MYT1: variants seen among roughly 807,000 people sequenced by gnomAD.
MYT1 encodes the protein myelin transcription factor 1.
Under a neutral mutation model 123.0 loss-of-function variants are expected in MYT1, and 23 were observed. The ratio of observed to expected loss-of-function variants is 0.19; its 90% CI spans 0.13 to 0.26. The LOEUF is 0.26. MYT1 is among the 10% of genes least tolerant of loss of function. The pLI, the probability that MYT1 is intolerant of heterozygous loss-of-function variation, is 1.00. For synonymous variants in MYT1, 518 were observed against 575.3 expected (o/e 0.90, Z 1.43); for missense variants, 1,125 against 1,472.5 (o/e 0.76, Z 3.86).
At position 64,198,914 on chromosome 20, in the gene MYT1, G is replaced by T; in HGVS notation, c.53G>T (p.Arg18Leu). The change falls in exon 3 of 23, where the codon CGA becomes CTA. Residue 18 changes from arginine to leucine, a missense_variant and splice_region_variant. By Grantham distance (102) the Arg-to-Leu change is moderately radical (BLOSUM62 -2). This residue lies in a region of MYT1 where 406 missense variants were observed against 432.2 expected (regional missense o/e 0.94). Transcript: ENST00000328439. ...KRARTRSKAL[R>L]GPPETTAADL... ...GCTCGCACCCGATCCAAGGCCCTGC[G>T]AGGTGAGTGCCGCCCTCCCCTCCTC... The T allele has an allele frequency of 6.2e-7, 1 of 1,614,028 alleles. No homozygotes were observed. Among genetic ancestry groups the T allele is most frequent in the South Asian group, 1.1e-5 (1 of 91,082 alleles).
In MYT1 at chr20:64,203,168, G is replaced by A. The variant is rs1367964684; in HGVS notation, c.87-1867G>A. ...CCCTCTGAGGCTGGGGCCGGAAGGT[G>A]CAGGCCCACCTTCCTGGGGACCAGG... On this transcript the variant is annotated intron_variant, in intron 4 of 22. Coordinates refer to ENST00000328439, the MANE Select transcript of MYT1 (RefSeq NM_004535.3). The surrounding 1 kb of genome is among the most constrained non-coding windows in gnomAD (Gnocchi z 5.1). 5.3e-5 allele frequency among the ~76,000 whole-genome samples: 8 copies of A among 152,222 alleles called. No individual in the cohort carries two copies. Among genetic ancestry groups the A allele is most frequent in the Admixed American group, 1.3e-4 (2 of 15,294 alleles).
chr20:64,209,785 AG>A (rs1378845400), intron 7 of MYT1, among the ~76,000 whole-genome samples: 2 of 152,226 alleles, frequency 1.3e-5, no homozygotes, highest in Admixed American at 1.3e-4. Flanking sequence ...CGGGAACACC[AG>A]GCATATGAGA....
rs1019002346 is a variant in MYT1 at position 64,231,522 on chromosome 20, G to A, written c.2676-642G>A. Reference sequence around the variant, plus strand: ...ACCATTTAAGGCCAGCCTCAGGCACGAGTGATTATGGGTAGCGAGTCTCCC... The same window carrying A: ...ACCATTTAAGGCCAGCCTCAGGCACAAGTGATTATGGGTAGCGAGTCTCCC... On this transcript the variant is annotated intron_variant, in intron 18 of 22. Coordinates refer to ENST00000328439, the MANE Select transcript of MYT1 (RefSeq NM_004535.3). The surrounding 1 kb of genome is among the most constrained non-coding windows in gnomAD (Gnocchi z 6.4). Among the ~76,000 whole-genome samples the A allele has an allele frequency of 4.6e-5, 7 of 152,240 alleles. No homozygotes were observed. The highest frequency in any genetic ancestry group is 1.7e-4 in the African/African-American group (7 of 41,460).
At chr20:64,229,308 T>C (rs1340909387) in intron 18 of MYT1, among the ~76,000 whole-genome samples, 2 of 152,226 alleles carry the variant, frequency 1.3e-5, no homozygotes, top group Non-Finnish European at 2.9e-5. Context: ...CCTTTATGGA[T>C]TTGGCAAGGA....
chr20:64,186,672 T>C lies in MYT1; in HGVS notation c.-98-3391T>C, dbSNP rs760999341. ...CCTGTGTGAGCTTTGGGGACCCTTGTTCCCACCACAGAGTGTCCATGGAGC... is the reference window on the plus strand; with the variant it reads ...CCTGTGTGAGCTTTGGGGACCCTTGCTCCCACCACAGAGTGTCCATGGAGC... On this transcript the variant is annotated intron_variant, in intron 1 of 22. Transcript: ENST00000328439. The surrounding 1 kb of genome is among the most constrained non-coding windows in gnomAD (Gnocchi z 4.3). 6.6e-6 allele frequency among the ~76,000 whole-genome samples: 1 copy of C among 152,264 alleles called. No homozygotes were observed. Among genetic ancestry groups the C allele is most frequent in the Non-Finnish European group, 1.5e-5 (1 of 68,040 alleles).
At chr20:64,227,292 G>A (rs1984193903) in intron 16 of MYT1, 123 bp from the exon 17 acceptor site, 4 of 781,324 alleles carry the variant, frequency 5.1e-6, no homozygotes, top group Non-Finnish European at 8.2e-6. Context: ...CTGCGGACAA[G>A]GGAATGTGGG....
At chr20:64,200,007 C>A in intron 4 of MYT1, 85 bp downstream of exon 4, 1 of 1,522,026 alleles carries the variant, frequency 6.6e-7, no homozygotes, top group Non-Finnish European at 9.1e-7. Context: ...ACGGGGTCTT[C>A]TTGGATTGAC....
chr20:64,180,118 A>G lies in MYT1; in HGVS notation c.-98-9945A>G, dbSNP rs533240524. Among the ~76,000 whole-genome samples the G allele has an allele frequency of 7.9e-5, 12 of 151,732 alleles. No individual in the cohort carries two copies. The East Asian group carries it at 2.1e-3, about 27-fold the overall frequency. Reference sequence around the variant, plus strand: ...CAGGTACATGCTACACACACGCTACACACAGTTATACATGCTACACACACG... The same window carrying G: ...CAGGTACATGCTACACACACGCTACGCACAGTTATACATGCTACACACACG... On this transcript the variant is annotated intron_variant, in intron 1 of 22. Coordinates refer to ENST00000328439, the MANE Select transcript of MYT1 (RefSeq NM_004535.3).
At chr20:64,172,652 C>T (rs1279927495) in intron 1 of MYT1, among the ~76,000 whole-genome samples, 2 of 151,986 alleles carry the variant, frequency 1.3e-5, no homozygotes, top group Non-Finnish European at 2.9e-5. Flanking sequence ...CTCTTGATCC[C>T]GCGAAGCCGA....
Position 64,222,424 on chromosome 20 carries a change from C to G in MYT1, c.2396+377C>G, listed in dbSNP as rs567702375. ...AGGCCGCAGCTGGGCACGTTCTGCC[C>G]TGGGCTCCATGGCCAAGGCCTGGAA... is the stretch of plus-strand genomic sequence containing the variant. On this transcript the variant is annotated intron_variant, in intron 14 of 22. Coordinates refer to ENST00000328439, the MANE Select transcript of MYT1 (RefSeq NM_004535.3). 6.6e-5 allele frequency among the ~76,000 whole-genome samples: 10 copies of G among 152,378 alleles called. No individual in the cohort carries two copies. In the East Asian group the frequency reaches 1.7e-3, roughly 26 times the overall value.
At chr20:64,221,540 A>ATCC (rs1433715459) in intron 13 of MYT1, among the ~76,000 whole-genome samples, 1 of 152,216 alleles carries the variant, frequency 6.6e-6, no homozygotes, top group Non-Finnish European at 1.5e-5. Context: ...ATTGAGTGCC[A>ATCC]TCCCTGGCTC....
Position 64,185,232 on chromosome 20 carries a change from A to G in MYT1, c.-98-4831A>G, listed in dbSNP as rs983819932. On this transcript the variant is annotated intron_variant, in intron 1 of 22. Coordinates refer to ENST00000328439, the MANE Select transcript of MYT1 (RefSeq NM_004535.3). This position sits in a 1 kb window ranked among gnomAD's most constrained non-coding sequence, Gnocchi z 4.5. ...AGAGTTGATATTCCTGGGAACTTTC[A>G]TTGACAGTGGGAAGGAGGTGGGTAT... Among the ~76,000 whole-genome samples, 1 of 152,150 alleles carries G rather than the reference A, an allele frequency of 6.6e-6. No homozygotes were observed. Among genetic ancestry groups the G allele is most frequent in the Non-Finnish European group, 1.5e-5 (1 of 68,028 alleles).
At chr20:64,170,848 CATATATATATAT>C (rs1175817263) in intron 1 of MYT1, among the ~76,000 whole-genome samples, 38 of 16,024 alleles carry the variant, frequency 2.4e-3, no homozygotes, top group Middle Eastern at 0.1. Context: ...ACAAATTGGT[CATATATATATAT>C]ATATATATAT....
chr20:64,219,470 G>A (rs1219580017), intron 12 of MYT1, among the ~76,000 whole-genome samples: 1 of 152,234 alleles, frequency 6.6e-6, no homozygotes, highest in Non-Finnish European at 1.5e-5. Flanking sequence ...CCGTGTTTAT[G>A]ACATGTCCTG....
At position 64,202,551 on chromosome 20, in the gene MYT1, C is replaced by T. The variant is rs957479810; in HGVS notation, c.87-2484C>T. Among the ~76,000 whole-genome samples the T allele has an allele frequency of 6.6e-5, 10 of 152,144 alleles. No homozygotes were observed. Among genetic ancestry groups the T allele is most frequent in the Non-Finnish European group, 1.2e-4 (8 of 68,022 alleles). On this transcript the variant is annotated intron_variant, in intron 4 of 22. Coordinates refer to ENST00000328439, the MANE Select transcript of MYT1 (RefSeq NM_004535.3). The surrounding 1 kb of genome is among the most constrained non-coding windows in gnomAD (Gnocchi z 5.0). Reference sequence around the variant, plus strand: ...ACCCTTCTTCTTCTGGCGCCTTCCTCCTTGAGCCACTGGCCAACTCCCACC... The same window carrying T: ...ACCCTTCTTCTTCTGGCGCCTTCCTTCTTGAGCCACTGGCCAACTCCCACC...
At chr20:64,233,645 T>A (rs951283220) in intron 19 of MYT1, among the ~76,000 whole-genome samples, 4 of 149,814 alleles carry the variant, frequency 2.7e-5, no homozygotes, top group Admixed American at 6.7e-5. Context: ...TTGGGCAGAG[T>A]AGGTGGGACA....
intron 18 of MYT1, among the ~76,000 whole-genome samples, chr20:64,228,587 T>G (rs1056541189): frequency 2.6e-5 from 4 of 152,120 alleles, no homozygotes; most frequent in Non-Finnish European, 5.9e-5. Context: ...GGCTCGTGTG[T>G]CTTTGTGGGG....
intron 21 of MYT1, 47 bp from the exon 22 acceptor site, chr20:64,239,713 G>C: frequency 6.2e-7 from 1 of 1,610,514 alleles, no homozygotes; most frequent in Non-Finnish European, 8.5e-7. Flanking sequence ...CCCCCAGGAG[G>C]ATGGGGGCCA....
chr20:64,199,679 G>T (rs1222253072), intron 3 of MYT1, among the ~76,000 whole-genome samples: 8 of 152,188 alleles, frequency 5.3e-5, no homozygotes, highest in Non-Finnish European at 1.0e-4. Context: ...CACCAGGCTT[G>T]GGGGAGCAGC....
Sources: allele counts gnomAD v4.1 joint callset (sites outside exome capture counted in the v4.1 genomes callset), GRCh38; gene constraint gnomAD v4.1.1; regional missense constraint gnomAD v4.1.1; non-coding constraint Gnocchi (gnomAD v3.1); transcripts MANE v1.5; gene names NCBI Gene and HGNC (gene_info 2026-07-23, HGNC 2026-07-21).